Variants in ROBO2 observed in about 807,000 individuals in gnomAD.
ROBO2 encodes roundabout homolog 2.
In ROBO2, 53 loss-of-function variants were observed where a neutral mutation model predicts 160.8. The ratio of observed to expected loss-of-function variants is 0.33; its 90% CI spans 0.26 to 0.41. The LOEUF (loss-of-function observed/expected upper bound fraction) is 0.41, where lower values mean the gene tolerates loss of function less well. Among genes scored for constraint, ROBO2 ranks in the 10% least tolerant of loss-of-function variants. ROBO2 has a pLI of 1.00. For missense variants in ROBO2, 1,577 were observed against 1,722.4 expected, an observed-to-expected ratio of 0.92 and a Z score of 1.49; for synonymous variants, 664 against 611.7, an observed-to-expected ratio of 1.09 and a Z score of -1.26.
At chr3:76,831,910 G>T (rs1008437188) in intron 2 of ROBO2, among the ~76,000 whole-genome samples, 1 of 152,132 alleles carries the variant, frequency 6.6e-6, no homozygotes, top group Non-Finnish European at 1.5e-5. Flanking sequence ...ACTGACTTAG[G>T]CTAGGCTTGC....
At chr3:76,983,373 G>A (rs1034523530) in intron 2 of ROBO2, among the ~76,000 whole-genome samples, 2 of 152,084 alleles carry the variant, frequency 1.3e-5, no homozygotes, top group African/African-American at 4.8e-5. Context: ...TTTTTTCAAA[G>A]ATTTGAAAGG....
chr3:77,474,843 G>A (rs2083798066), intron 2 of ROBO2, among the ~76,000 whole-genome samples: 1 of 152,070 alleles, frequency 6.6e-6, no homozygotes, highest in Non-Finnish European at 1.5e-5. Context: ...ATCCAAGGCA[G>A]AAATGAATAA....
chr3:76,141,392 C>T (rs1010377404), intron 2 of ROBO2, among the ~76,000 whole-genome samples: 6 of 150,048 alleles, frequency 4.0e-5, no homozygotes, highest in South Asian at 2.1e-4. Context: ...CTCAGCATCA[C>T]GCAATATACC....
At chr3:76,254,181 A>C (rs1463100461) in intron 2 of ROBO2, among the ~76,000 whole-genome samples, 1 of 152,070 alleles carries the variant, frequency 6.6e-6, no homozygotes, top group African/African-American at 2.4e-5. Context: ...TGAATTTGAG[A>C]AGCAAGATCT....
At chr3:76,282,567 G>A (rs1576249276) in intron 2 of ROBO2, among the ~76,000 whole-genome samples, 1 of 151,944 alleles carries the variant, frequency 6.6e-6, no homozygotes, top group East Asian at 1.9e-4. Flanking sequence ...TTATTACTAT[G>A]CATATTTTCT....
rs550437798 is a variant in ROBO2, at chr3:77,050,578, T to G, written c.61+9732T>G. Among the ~76,000 whole-genome samples the G allele has an allele frequency of 5.2e-3, 795 of 152,062 alleles. 2 individuals are homozygous for G. The highest frequency in any genetic ancestry group is 1.0e-2 in the African/African-American group (415 of 41,506). On this transcript the variant is annotated intron_variant, in intron 1 of 25. Transcript: ENST00000461745. ...TCTTTGCTTTTGTGTGTTTTTTTTT[T>G]TTGTTGTTTTTTGGTTTTTTTTCCC...
chr3:76,399,736 G>T (rs1002324576), intron 2 of ROBO2, among the ~76,000 whole-genome samples: 1 of 151,670 alleles, frequency 6.6e-6, no homozygotes, highest in Non-Finnish European at 1.5e-5. Flanking sequence ...GCCGTCAGGG[G>T]AGTCTACCCA....
chr3:76,405,258 A>G (rs1372760280), intron 2 of ROBO2, among the ~76,000 whole-genome samples: 2 of 151,388 alleles, frequency 1.3e-5, no homozygotes, highest in African/African-American at 2.4e-5. Context: ...AGGCTCTTAT[A>G]TGAGAACAAG....
intron 2 of ROBO2, among the ~76,000 whole-genome samples, chr3:76,084,952 C>G (rs2108052285): frequency 6.6e-6 from 1 of 152,144 alleles, no homozygotes; most frequent in Admixed American, 6.5e-5. Flanking sequence ...TAGTACCCAA[C>G]TACATTACTT....
chr3:77,195,489 A>G (rs1310511963), intron 2 of ROBO2, among the ~76,000 whole-genome samples: 6 of 152,246 alleles, frequency 3.9e-5, no homozygotes, highest in Non-Finnish European at 7.3e-5. Flanking sequence ...ATTGCAAATG[A>G]AATTAAGGAA....
chr3:75,987,310 A>G (rs1198238794), intron 2 of ROBO2, among the ~76,000 whole-genome samples: 3 of 151,968 alleles, frequency 2.0e-5, no homozygotes, highest in Non-Finnish European at 4.4e-5. Context: ...GCTATAATCA[A>G]TGGAATTATT....
chr3:77,335,658 C>T (rs990420094), intron 2 of ROBO2, among the ~76,000 whole-genome samples: 10 of 152,070 alleles, frequency 6.6e-5, no homozygotes, highest in African/African-American at 1.7e-4. Flanking sequence ...GCTCTCGCTA[C>T]GAGTCATTAT....
intron 2 of ROBO2, among the ~76,000 whole-genome samples, chr3:77,340,776 T>G (rs2066976134): frequency 6.6e-6 from 1 of 152,142 alleles, no homozygotes; most frequent in South Asian, 2.1e-4. Flanking sequence ...ATCATAATAC[T>G]GTATGAATTA....
At chr3:76,760,604 T>C (rs1228639541) in intron 2 of ROBO2, among the ~76,000 whole-genome samples, 1 of 151,694 alleles carries the variant, frequency 6.6e-6, no homozygotes, top group Non-Finnish European at 1.5e-5. Context: ...TTCCTTCATA[T>C]TCAACTACTA....
At chr3:76,351,751 A>C (rs901740222) in intron 2 of ROBO2, among the ~76,000 whole-genome samples, 3 of 151,982 alleles carry the variant, frequency 2.0e-5, no homozygotes, top group African/African-American at 7.2e-5. Flanking sequence ...CATTTTAGGA[A>C]GAGATGACCT....
exon 1 of ROBO2, chr3:77,040,678 A>G: frequency 6.3e-7 from 1 of 1,599,440 alleles, no homozygotes; most frequent in Non-Finnish European, 8.5e-7. Context: ...ATTAGTATCT[A>G]GGAAAGTCTA....
intron 3 of ROBO2, 52 bp downstream of exon 3, chr3:77,477,623 A>G (rs2084175310): frequency 2.6e-6 from 4 of 1,513,806 alleles, no homozygotes; most frequent in Non-Finnish European, 3.7e-6. Flanking sequence ...CAGTCTCAAA[A>G]TACAAAATAG....
intron 2 of ROBO2, among the ~76,000 whole-genome samples, chr3:77,231,627 T>C (rs2087228636): frequency 2.0e-5 from 1 of 49,670 alleles, no homozygotes; most frequent in Non-Finnish European, 5.0e-5. Flanking sequence ...ACATTATTAT[T>C]TTTTTTCCTT....
chr3:77,233,894 C>A (rs1012442288), intron 2 of ROBO2, among the ~76,000 whole-genome samples: 3 of 152,118 alleles, frequency 2.0e-5, no homozygotes, highest in Non-Finnish European at 2.9e-5. Context: ...ACACAGCATA[C>A]AAATATATAT....
Sources: gnomAD v4.1 joint callset for allele counts (sites outside exome capture counted in the v4.1 genomes callset) on GRCh38, gnomAD v4.1.1 for gene constraint, MANE v1.5 for transcripts, NCBI Gene and HGNC (gene_info 2026-07-23, HGNC 2026-07-21) for gene names.